SRSF11: variants seen among roughly 807,000 people sequenced by gnomAD.
The protein encoded by SRSF11 is serine and arginine rich splicing factor 11.
In SRSF11, 9 loss-of-function variants were observed where a neutral mutation model predicts 56.0. The observed-to-expected ratio is 0.16, with a 90% CI of 0.10 to 0.28. The LOEUF is 0.28. Ranked by LOEUF, SRSF11 falls within the 10% of genes least tolerant of loss-of-function variation. SRSF11 has a pLI of 1.00. For missense variants in SRSF11, 421 were observed against 600.7 expected, an observed-to-expected ratio of 0.70 and a Z score of 3.13; for synonymous variants, 222 against 215.3, an observed-to-expected ratio of 1.03 and a Z score of -0.27.
chr1:70,228,129 CTG>C (rs1256784689), intron 1 of SRSF11, among the ~76,000 whole-genome samples: 1 of 152,248 alleles, frequency 6.6e-6, no homozygotes, highest in African/African-American at 2.4e-5. Context: ...TATAAAGAAA[CTG>C]TTGACAATTT....
At chr1:70,247,233 A>G (rs1001453849) in intron 9 of SRSF11, 109 of 422,204 alleles carry the variant, frequency 2.6e-4, no homozygotes, top group Non-Finnish European at 3.4e-4. Flanking sequence ...ATAGTAAGCT[A>G]TATTTATCAT....
At chr1:70,230,943 G>A in intron 2 of SRSF11, 1 of 1,205,326 alleles carries the variant, frequency 8.3e-7, no homozygotes, top group Non-Finnish European at 1.1e-6. Flanking sequence ...ATAACTCTTG[G>A]TATCTAAATT....
rs1056633698 is a variant in SRSF11, at chr1:70,244,343, A to G, written c.801-341A>G. Among the ~76,000 whole-genome samples the G allele has an allele frequency of 4.6e-5, 7 of 152,338 alleles. No homozygotes were observed. In the South Asian group the frequency reaches 1.0e-3, roughly 23 times the overall value. On this transcript the variant is annotated intron_variant, in intron 7 of 11. Coordinates refer to ENST00000370949, the MANE Select transcript of SRSF11 (RefSeq NM_001350605.2). ...AGAAATACATGCTAAAATGCTATAT[A>G]ATTGTATAAGATGATGCAAATAAGT...
chr1:70,221,172 A>C (rs1670515619), upstream of SRSF11: 1 of 157,950 alleles, frequency 6.3e-6, no homozygotes, highest in Non-Finnish European at 1.4e-5. Flanking sequence ...TTAAAAAAAA[A>C]GTTTATACGT....
intron 10 of SRSF11, 137 bp downstream of exon 10, chr1:70,250,184 T>G (rs762515960): frequency 1.0e-5 from 13 of 1,258,086 alleles, no homozygotes; most frequent in Non-Finnish European, 1.4e-5. Flanking sequence ...GACTTGTGAC[T>G]TAAACACCAT....
intron 1 of SRSF11, among the ~76,000 whole-genome samples, chr1:70,208,579 C>G (rs1669268990): frequency 6.6e-6 from 1 of 152,200 alleles, no homozygotes; most frequent in Non-Finnish European, 1.5e-5. Context: ...CTCATGTGAT[C>G]CACCTGCCTC....
At position 70,250,623 on chromosome 1, in the gene SRSF11, TATG is replaced by T; in HGVS notation, c.1278_1280del (p.Asp426del). On this transcript the variant is annotated inframe_deletion, in exon 12 of 12. Coordinates refer to ENST00000370949, the MANE Select transcript of SRSF11 (RefSeq NM_001350605.2). ...CTTGGCAAAGCAGGTTACACGGGAT[TATG>T]ATGAAGAGGAACAGGGGTATGACAG... 6.2e-7 allele frequency: 1 copy of T among 1,613,826 alleles called. No individual in the cohort carries two copies. The highest frequency in any genetic ancestry group is 8.5e-7 in the Non-Finnish European group (1 of 1,179,922).
chr1:70,205,745 G>A (rs1192161967), exon 1 of SRSF11: 5 of 482,136 alleles, frequency 1.0e-5, no homozygotes, highest in East Asian at 9.0e-5. Context: ...TTCCGTTGCC[G>A]GTGCCGGCCT....
chr1:70,223,876 C>G (rs1175109166), intron 1 of SRSF11, among the ~76,000 whole-genome samples: 1 of 152,150 alleles, frequency 6.6e-6, no homozygotes, highest in Non-Finnish European at 1.5e-5. Context: ...ACATAAAATT[C>G]TATCTGTTGT....
At chr1:70,207,720 C>T (rs959526499) in intron 1 of SRSF11, among the ~76,000 whole-genome samples, 2 of 146,362 alleles carry the variant, frequency 1.4e-5, no homozygotes, top group African/African-American at 5.0e-5. Flanking sequence ...ATTCTTCTTT[C>T]GTTCTTTTTT....
Position 70,232,314 on chromosome 1 carries a change from T to G in SRSF11, c.384T>G (p.Ala128=). Residue 128 remains alanine (A), a synonymous_variant, in exon 3 of 12, where the codon GCT becomes GCG. Transcript: ENST00000370949. The stretch of plus-strand genomic sequence containing the variant: ...AAGCTTTGTCTCTGTTGGCACCAGC[T>G]AATGCAGTGGCAGGTCTTCTGCCTG... The part of the protein sequence containing the change: ...EAKALSLLAP[A]NAVAGLLPGG... 6.2e-7 allele frequency: 1 copy of G among 1,614,218 alleles called. No homozygotes were observed.
At chr1:70,221,051 A>G (rs978063794), upstream of SRSF11, 4 of 152,166 alleles carry the variant, frequency 2.6e-5, no homozygotes, top group Non-Finnish European at 4.4e-5. Context: ...TTTAAATATC[A>G]TTAGTAATCG....
chr1:70,233,617 T>G (rs1203486448), intron 3 of SRSF11, among the ~76,000 whole-genome samples: 1 of 152,244 alleles, frequency 6.6e-6, no homozygotes, highest in Non-Finnish European at 1.5e-5. Flanking sequence ...GTTAAAATAG[T>G]ATTAACACAG....
upstream of SRSF11, among the ~76,000 whole-genome samples, chr1:70,217,602 TG>T (rs776494881): frequency 6.6e-6 from 1 of 152,192 alleles, no homozygotes; most frequent in Non-Finnish European, 1.5e-5. Flanking sequence ...AAGAAATTTG[TG>T]AGTTTTTTGA....
intron 9 of SRSF11, chr1:70,248,663 G>A (rs1677287705): frequency 6.6e-6 from 1 of 151,966 alleles, no homozygotes; most frequent in Non-Finnish European, 1.5e-5. Flanking sequence ...AAACTGTTGA[G>A]GATTTTTTTT....
intron 7 of SRSF11, among the ~76,000 whole-genome samples, chr1:70,241,317 C>CA: frequency 6.6e-6 from 1 of 152,296 alleles, no homozygotes; most frequent in Non-Finnish European, 1.5e-5. Flanking sequence ...ATTTCTGTCT[C>CA]AGAGATGATC....
At position 70,227,944 on chromosome 1, in the gene SRSF11, T is replaced by C. The variant is rs76875768; in HGVS notation, c.204-478T>C. On this transcript the variant is annotated intron_variant, in intron 1 of 11. Transcript: ENST00000370949. ...AAAGAGTGCAGGGCATGGAACCTGTTTATTTTATGCAGTTCAAGAAAACTC... is the reference window on the plus strand; with the variant it reads ...AAAGAGTGCAGGGCATGGAACCTGTCTATTTTATGCAGTTCAAGAAAACTC... Among the ~76,000 whole-genome samples, 566 of 152,302 alleles carry C rather than the reference T, an allele frequency of 3.7e-3. 4 individuals are homozygous for C. The highest frequency in any genetic ancestry group is 6.1e-3 in the Non-Finnish European group (415 of 68,014).
rs1674836264 is a variant in SRSF11, at chr1:70,239,445, A to G, written c.725A>G (p.Lys242Arg). 1 of 1,601,866 alleles carries G rather than the reference A, an allele frequency of 6.2e-7. No homozygotes were observed. Among genetic ancestry groups the G allele is most frequent in the South Asian group, 1.1e-5 (1 of 88,956 alleles). The part of the protein sequence containing the change: ...LISAAIEPDK[K>R]EEKRRHSRSR... The stretch of plus-strand genomic sequence containing the variant: ...CCTTTTCTTTTAAATATAGATAAGA[A>G]AGAAGAAAAAAGAAGGCATTCAAGA... The change falls in exon 7 of 12, where the codon AAA becomes AGA. Residue 242 changes from lysine to arginine, a missense_variant. Lys to Arg is a conservative substitution (Grantham distance 26). This residue lies in a region of SRSF11 where 253 missense variants were observed against 305.8 expected (regional missense o/e 0.83). Coordinates refer to ENST00000370949, the MANE Select transcript of SRSF11 (RefSeq NM_001350605.2).
At chr1:70,229,135 A>G in intron 2 of SRSF11, 8 of 1,256,890 alleles carry the variant, frequency 6.4e-6, no homozygotes, top group South Asian at 2.7e-5. Context: ...TTTCTTGTTC[A>G]TTCTTGCTAT....
Sources: gnomAD v4.1 joint callset for allele counts (sites outside exome capture counted in the v4.1 genomes callset) on GRCh38, gnomAD v4.1.1 for gene constraint, gnomAD v4.1.1 regional missense constraint, MANE v1.5 for transcripts, NCBI Gene and HGNC (gene_info 2026-07-23, HGNC 2026-07-21) for gene names.